The following WDR37 variants were observed in gnomAD, a reference collection of about 807,000 sequenced individuals.
WDR37 encodes WD repeat-containing protein 37.
In WDR37, 19 loss-of-function variants were observed where a neutral mutation model predicts 62.9. The ratio of observed to expected loss-of-function variants is 0.30; its 90% CI spans 0.21 to 0.44. WDR37 has a LOEUF of 0.44. Among genes scored for constraint, WDR37 ranks in the 20% least tolerant of loss-of-function variants. The probability of loss-of-function intolerance (pLI) is 1.00; values close to 1 mark genes in which losing one functional copy is unlikely to be tolerated. For synonymous variants in WDR37, 250 were observed against 260.9 expected, an observed-to-expected ratio of 0.96 and a Z score of 0.40; for missense variants, 474 against 657.6, an observed-to-expected ratio of 0.72 and a Z score of 3.05.
At chr10:1,090,405 C>T (rs1380069791) in intron 7 of WDR37, among the ~76,000 whole-genome samples, 5 of 152,134 alleles carry the variant, frequency 3.3e-5, no homozygotes, top group African/African-American at 7.2e-5. Context: ...GTGATCCAGC[C>T]GCCTCGGCCT....
chr10:1,109,251 C>T (rs1835131707), intron 11 of WDR37, among the ~76,000 whole-genome samples: 1 of 152,156 alleles, frequency 6.6e-6, no homozygotes, highest in Non-Finnish European at 1.5e-5. Flanking sequence ...CCTGTATTGT[C>T]TCTGTTCAGT....
At chr10:1,085,189 G>A (rs981912649) in intron 6 of WDR37, among the ~76,000 whole-genome samples, 9 of 152,050 alleles carry the variant, frequency 5.9e-5, no homozygotes, top group South Asian at 2.1e-4. Flanking sequence ...AGCTAGGATG[G>A]TCTTGATCTC....
chr10:1,096,854 G>A (rs999477832), intron 9 of WDR37, among the ~76,000 whole-genome samples: 6 of 152,212 alleles, frequency 3.9e-5, no homozygotes, highest in African/African-American at 1.4e-4. Context: ...GGGGACTCGG[G>A]TGAAGGCTCA....
intron 1 of WDR37, among the ~76,000 whole-genome samples, chr10:1,068,417 A>G (rs1311290015): frequency 6.6e-6 from 1 of 151,166 alleles, no homozygotes; most frequent in Non-Finnish European, 1.5e-5. Flanking sequence ...AGATTGAGCC[A>G]CTGCACTCCA....
At chr10:1,129,089 G>A in intron 13 of WDR37, 124 bp from the exon 14 acceptor site, 1 of 1,380,618 alleles carries the variant, frequency 7.2e-7, no homozygotes, top group Non-Finnish European at 9.8e-7. Context: ...GACTGATCCT[G>A]CACACCATGT....
At chr10:1,076,425 A>G (rs932163540) in intron 2 of WDR37, among the ~76,000 whole-genome samples, 31 of 152,262 alleles carry the variant, frequency 2.0e-4, no homozygotes, top group African/African-American at 7.0e-4. Flanking sequence ...CATGCCTGTA[A>G]TCCTAGAGCT....
At chr10:1,088,694 TA>T (rs112287538) in intron 7 of WDR37, among the ~76,000 whole-genome samples, 322 of 136,220 alleles carry the variant, frequency 2.4e-3, no homozygotes, top group Middle Eastern at 0.011. Context: ...AAAAAGAAAT[TA>T]AAAAAAAAAA....
rs148465273 is a variant in WDR37 at position 1,090,448 on chromosome 10, C to T, written c.605-3004C>T. Among the ~76,000 whole-genome samples, 52 of 152,296 alleles carry T rather than the reference C, an allele frequency of 3.4e-4. 1 individual carries two copies. Among genetic ancestry groups the T allele is most frequent in the South Asian group, 1.0e-3 (5 of 4,824 alleles). On this transcript the variant is annotated intron_variant, in intron 7 of 13. Transcript: ENST00000263150. ...TGTTGGGATTATAGGTGTGAGCCAC[C>T]GTGCCCGGCCTGGAGATGTTTTGAT... is the stretch of plus-strand genomic sequence containing the variant.
Position 1,078,023 on chromosome 10 carries a change from A to G in WDR37, c.235+20A>G. On this transcript the variant is annotated intron_variant, in intron 3 of 13. Transcript: ENST00000263150. ...TAGAATGTGAGTATCTCCTATTTTA[A>G]TATACTTTTATAGCTTTACCTATCC... 6.5e-7 allele frequency: 1 copy of G among 1,541,940 alleles called. No individual in the cohort carries two copies. Among genetic ancestry groups the G allele is most frequent in the Non-Finnish European group, 8.9e-7 (1 of 1,121,280 alleles).
At chr10:1,064,295 T>C (rs997879754) in intron 1 of WDR37, among the ~76,000 whole-genome samples, 15 of 152,062 alleles carry the variant, frequency 9.9e-5, no homozygotes, top group African/African-American at 3.6e-4. Context: ...GAGCAGAGCC[T>C]CAGGGGCCCG....
chr10:1,081,712 A>G (rs1160117009), intron 5 of WDR37, among the ~76,000 whole-genome samples: 3 of 152,178 alleles, frequency 2.0e-5, no homozygotes. Flanking sequence ...TAATAAATTA[A>G]CTTGAAGCTT....
chr10:1,062,187 T>C (rs1833392567), intron 1 of WDR37, among the ~76,000 whole-genome samples: 1 of 152,138 alleles, frequency 6.6e-6, no homozygotes, highest in Non-Finnish European at 1.5e-5. Context: ...AGGGAGGTGA[T>C]TGTAGGAAAT....
At position 1,105,636 on chromosome 10, in the gene WDR37, T is replaced by C. The variant is rs1009959480; in HGVS notation, c.1103+369T>C. Among the ~76,000 whole-genome samples, 2 of 152,144 alleles carry C rather than the reference T, an allele frequency of 1.3e-5. No individual in the cohort carries two copies. Among genetic ancestry groups the C allele is most frequent in the African/African-American group, 4.8e-5 (2 of 41,428 alleles). On this transcript the variant is annotated intron_variant, in intron 11 of 13. Coordinates refer to ENST00000263150, the MANE Select transcript of WDR37 (RefSeq NM_014023.4). This position sits in a 1 kb window ranked among gnomAD's most constrained non-coding sequence, Gnocchi z 5.3. ...CTGTTACTCCTACCCACGGGGTGTCTCCTGGATCTTTTCCATCTAGTTTTT... is the reference window on the plus strand; with the variant it reads ...CTGTTACTCCTACCCACGGGGTGTCCCCTGGATCTTTTCCATCTAGTTTTT...
intron 1 of WDR37, among the ~76,000 whole-genome samples, chr10:1,066,581 G>A (rs1833561878): frequency 6.6e-6 from 1 of 152,140 alleles, no homozygotes; most frequent in African/African-American, 2.4e-5. Context: ...CAAGATTTTT[G>A]TAGATATGTA....
At chr10:1,127,679 T>C (rs1474326693) in intron 13 of WDR37, among the ~76,000 whole-genome samples, 6 of 151,812 alleles carry the variant, frequency 4.0e-5, no homozygotes, top group African/African-American at 1.2e-4. Flanking sequence ...AGCAGGCTCA[T>C]TGGGCGTGAG....
intron 2 of WDR37, among the ~76,000 whole-genome samples, chr10:1,073,616 C>T (rs1833785831): frequency 6.6e-6 from 1 of 152,182 alleles, no homozygotes. Flanking sequence ...ATGCCACAGA[C>T]TGGGTAGCTT....
chr10:1,098,325 C>CTT (rs1451318041), intron 9 of WDR37, among the ~76,000 whole-genome samples: 2 of 136,192 alleles, frequency 1.5e-5, no homozygotes, highest in East Asian at 2.4e-4. Flanking sequence ...CCCATCTGTC[C>CTT]GTTTTTTTTT....
At chr10:1,075,610 C>T (rs563547044) in intron 2 of WDR37, among the ~76,000 whole-genome samples, 19 of 151,882 alleles carry the variant, frequency 1.3e-4, no homozygotes, top group Non-Finnish European at 2.8e-4. Flanking sequence ...GGAACTGATT[C>T]TGTAGGAGGA....
chr10:1,065,111 G>T (rs1833496041), intron 1 of WDR37, among the ~76,000 whole-genome samples: 1 of 152,176 alleles, frequency 6.6e-6, no homozygotes, highest in Non-Finnish European at 1.5e-5. Context: ...GGGAACATCA[G>T]GAGGGAAGAA....
Sources: allele counts gnomAD v4.1 joint callset (sites outside exome capture counted in the v4.1 genomes callset), GRCh38; gene constraint gnomAD v4.1.1; non-coding constraint Gnocchi (gnomAD v3.1); transcripts MANE v1.5; gene names NCBI Gene and HGNC (gene_info 2026-07-23, HGNC 2026-07-21).